The following TSHZ2 variants were observed in gnomAD, a reference collection of about 807,000 sequenced individuals.
The protein encoded by TSHZ2 is teashirt zinc finger homeobox 2.
In TSHZ2, 21 loss-of-function variants were observed where a neutral mutation model predicts 74.4. The observed-to-expected ratio is 0.28, with a 90% CI of 0.20 to 0.41. The LOEUF (loss-of-function observed/expected upper bound fraction) is 0.41, where lower values mean the gene tolerates loss of function less well. Among genes scored for constraint, TSHZ2 ranks in the 10% least tolerant of loss-of-function variants. The pLI is 1.00. For synonymous variants in TSHZ2, 540 were observed against 515.3 expected, an observed-to-expected ratio of 1.05 and a Z score of -0.65; for missense variants, 1,244 against 1,293.5, an observed-to-expected ratio of 0.96 and a Z score of 0.59.
chr20:53,260,827 C>T (rs1429799386), intron 2 of TSHZ2, among the ~76,000 whole-genome samples: 1 of 152,198 alleles, frequency 6.6e-6, no homozygotes, highest in Non-Finnish European at 1.5e-5. Context: ...TCTTACCATG[C>T]TCTGTAGCCT....
intron 2 of TSHZ2, among the ~76,000 whole-genome samples, chr20:53,287,404 A>G (rs1457075740): frequency 6.6e-6 from 1 of 152,184 alleles, no homozygotes; most frequent in East Asian, 1.9e-4. Context: ...TTTCATGTGC[A>G]TTGACTTACT....
chr20:53,386,939 T>C (rs528001494), intron 2 of TSHZ2, among the ~76,000 whole-genome samples: 1 of 152,214 alleles, frequency 6.6e-6, no homozygotes, highest in South Asian at 2.1e-4. Flanking sequence ...TTTCCTTTTA[T>C]ATATGAAAGG....
chr20:52,994,667 A>G (rs1242708872), intron 1 of TSHZ2, among the ~76,000 whole-genome samples: 2 of 152,144 alleles, frequency 1.3e-5, no homozygotes, highest in Non-Finnish European at 2.9e-5. Context: ...TTTATCCTGC[A>G]CATTAGCCCC....
rs891482021 is a variant in TSHZ2 at position 53,254,445 on chromosome 20, G to A, written c.987G>A (p.Arg329=). The change falls in exon 2 of 3, where the codon CGG becomes CGA. Residue 329 remains arginine (R), a synonymous_variant. Coordinates refer to ENST00000371497, the MANE Select transcript of TSHZ2 (RefSeq NM_173485.6). ...AGAAACGCGTTTTTGATGTCAATCG[G>A]CCGTGTTCCCCCGATTCAACCACAG... ...PAKKRVFDVN[R]PCSPDSTTGS... 3 of 1,613,626 alleles carry A rather than the reference G, an allele frequency of 1.9e-6. 1 individual carries two copies. The African/African-American group carries it at 4.0e-5, about 22-fold the overall frequency.
At chr20:52,974,687 G>A (rs888416857) in intron 1 of TSHZ2, among the ~76,000 whole-genome samples, 1 of 152,202 alleles carries the variant, frequency 6.6e-6, no homozygotes, top group Admixed American at 6.5e-5. Context: ...TCCAAAGTTA[G>A]TTAGGAATCT....
intron 1 of TSHZ2, among the ~76,000 whole-genome samples, chr20:53,039,781 A>AACACACACACACACACACAC (rs61356112): frequency 2.7e-5 from 4 of 149,590 alleles, no homozygotes; most frequent in African/African-American, 9.8e-5. Context: ...CTCCATCTCA[A>AACACACACACACACACACAC]ACACACACAC....
intron 2 of TSHZ2, among the ~76,000 whole-genome samples, chr20:53,483,262 A>G (rs992327968): frequency 1.3e-5 from 2 of 152,002 alleles, no homozygotes; most frequent in African/African-American, 4.8e-5. Flanking sequence ...CAAAAAATAC[A>G]AAAGAATAAA....
At chr20:53,051,457 G>GCACACACACACACACACACACACA (rs11474223) in intron 1 of TSHZ2, among the ~76,000 whole-genome samples, 2 of 145,100 alleles carry the variant, frequency 1.4e-5, no homozygotes, top group Non-Finnish European at 3.0e-5. Context: ...TGTGGCGCAC[G>GCACACACACACACACACACACACA]CACACACACA....
chr20:52,999,899 C>A (rs1394146518), intron 1 of TSHZ2, among the ~76,000 whole-genome samples: 1 of 152,142 alleles, frequency 6.6e-6, no homozygotes, highest in Non-Finnish European at 1.5e-5. Flanking sequence ...TGTGCCAAGC[C>A]ACATACTCAG....
intron 1 of TSHZ2, among the ~76,000 whole-genome samples, chr20:53,223,164 T>A (rs1271370665): frequency 1.3e-5 from 2 of 152,158 alleles, no homozygotes; most frequent in Non-Finnish European, 2.9e-5. Flanking sequence ...AAAGCATCTT[T>A]GTGGCTATAT....
At chr20:53,446,967 G>C (rs1247109994) in intron 2 of TSHZ2, among the ~76,000 whole-genome samples, 1 of 152,078 alleles carries the variant, frequency 6.6e-6, no homozygotes, top group Non-Finnish European at 1.5e-5. Flanking sequence ...TAAGCAAAAA[G>C]ACAGCTCTTG....
chr20:53,230,720 G>C (rs554741219), intron 1 of TSHZ2, among the ~76,000 whole-genome samples: 2 of 151,994 alleles, frequency 1.3e-5, no homozygotes, highest in African/African-American at 4.8e-5. Flanking sequence ...GTGAACCCTC[G>C]TCTTTACTAA....
At chr20:53,467,127 T>A (rs1379121859) in intron 2 of TSHZ2, among the ~76,000 whole-genome samples, 4 of 152,236 alleles carry the variant, frequency 2.6e-5, no homozygotes, top group Non-Finnish European at 5.9e-5. Flanking sequence ...AAGCACTTAA[T>A]AAAATGGTAG....
intron 2 of TSHZ2, among the ~76,000 whole-genome samples, chr20:53,345,444 C>A (rs1181034016): frequency 1.3e-5 from 2 of 151,594 alleles, no homozygotes; most frequent in African/African-American, 4.9e-5. Flanking sequence ...CCAGTGTAGA[C>A]CGCCATAGGA....
chr20:53,165,591 T>C (rs1196670532), intron 1 of TSHZ2, among the ~76,000 whole-genome samples: 2 of 152,258 alleles, frequency 1.3e-5, no homozygotes, highest in African/African-American at 2.4e-5. Flanking sequence ...GTCAGTGCTA[T>C]ACTAATGTGG....
chr20:53,008,482 ACAGT>A (rs1383851160), intron 1 of TSHZ2, among the ~76,000 whole-genome samples: 1 of 152,082 alleles, frequency 6.6e-6, no homozygotes, highest in African/African-American at 2.4e-5. Context: ...TCTTCCCCTG[ACAGT>A]CAGAAAAGAG....
chr20:53,171,431 G>T lies in TSHZ2; in HGVS notation c.41-82068G>T, dbSNP rs191916830. Among the ~76,000 whole-genome samples, 327 of 152,218 alleles carry T rather than the reference G, an allele frequency of 2.1e-3. 8 individuals are homozygous for T. Among genetic ancestry groups the T allele is most frequent in the Non-Finnish European group, 1.3e-4 (9 of 68,010 alleles). On this transcript the variant is annotated intron_variant, in intron 1 of 2. Coordinates refer to ENST00000371497, the MANE Select transcript of TSHZ2 (RefSeq NM_173485.6). ...ATGAGTCCCCTGGGAGGGCATGATT[G>T]CAATTAAAAATGTAATTTAAATGTT...
intron 1 of TSHZ2, among the ~76,000 whole-genome samples, chr20:53,023,242 A>C (rs1202510557): frequency 6.6e-6 from 1 of 152,188 alleles, no homozygotes; most frequent in South Asian, 2.1e-4. Flanking sequence ...AACATGAGAC[A>C]CTTGGAGGTG....
chr20:53,402,018 C>T (rs779175544), intron 2 of TSHZ2, among the ~76,000 whole-genome samples: 4 of 152,064 alleles, frequency 2.6e-5, no homozygotes, highest in Non-Finnish European at 4.4e-5. Flanking sequence ...CTCCTGACCT[C>T]GTGATCTGCC....
Sources: allele counts gnomAD v4.1 joint callset (sites outside exome capture counted in the v4.1 genomes callset), GRCh38; gene constraint gnomAD v4.1.1; transcripts MANE v1.5; gene names NCBI Gene and HGNC (gene_info 2026-07-23, HGNC 2026-07-21).